Variants in RAG1 observed in about 807,000 individuals in gnomAD.
The protein encoded by RAG1 is recombination activating 1.
RAG1 carries 35 observed loss-of-function variants against 62.7 expected under a neutral mutation model. The ratio of observed to expected loss-of-function variants is 0.56; its 90% CI spans 0.43 to 0.74. The LOEUF (loss-of-function observed/expected upper bound fraction) is 0.74, where lower values mean the gene tolerates loss of function less well. Ranked by LOEUF, RAG1 falls within the 30% of genes least tolerant of loss-of-function variation. The pLI, the probability that RAG1 is intolerant of heterozygous loss-of-function variation, is 0.00. For missense variants in RAG1, 1,169 were observed against 1,278.6 expected (o/e 0.91, Z 1.31); for synonymous variants, 461 against 470.3 (o/e 0.98, Z 0.26).
At position 36,575,153 on chromosome 11, in the gene RAG1, G is replaced by A; in HGVS notation, c.1849G>A (p.Val617Ile). The part of the protein sequence containing the change: ...DVSEKHGSGP[V>I]VPEKAVRFSF... ...GAGTGAGAAGCATGGGAGTGGGCCT[G>A]TAGTTCCAGAAAAGGCAGTCCGTTT... The change falls in exon 2 of 2, where the codon GTA becomes ATA. Residue 617 changes from valine (V) to isoleucine (I), a missense_variant. Around this residue, in one of 2 missense-constraint regions of RAG1, gnomAD observed 800 missense variants for 943.3 expected, o/e 0.85. Coordinates refer to ENST00000299440, the MANE Select transcript of RAG1 (RefSeq NM_000448.3). This position sits in a 1 kb window ranked among gnomAD's most constrained non-coding sequence, Gnocchi z 4.1. 1 of 1,614,178 alleles carries A rather than the reference G, an allele frequency of 6.2e-7. No homozygotes were observed. The highest frequency in any genetic ancestry group is 1.3e-5 in the African/African-American group (1 of 75,046).
chr11:36,570,228 T>C (rs1230403117), intron 1 of RAG1, among the ~76,000 whole-genome samples: 1 of 152,196 alleles, frequency 6.6e-6, no homozygotes, highest in Non-Finnish European at 1.5e-5. Flanking sequence ...TTTAAAGATA[T>C]TGCTAAATTG....
chr11:36,561,520 C>T lies in RAG1; in HGVS notation c.-411-1865C>T, dbSNP rs556878127. ...AGATATTTGGCTAAACATTATTCCT[C>T]GGTGTGTCTGTTAGTGTTTTTCTGA... On this transcript the variant is annotated intron_variant and NMD_transcript_variant, in intron 3 of 9. Coordinates refer to the RAG1 transcript ENST00000534663. Among the ~76,000 whole-genome samples the T allele has an allele frequency of 1.7e-4, 26 of 152,178 alleles. No individual in the cohort carries two copies. The South Asian group carries it at 5.2e-3, about 30-fold the overall frequency.
chr11:36,544,940 G>C (rs976866507), intron 3 of RAG1, among the ~76,000 whole-genome samples: 1 of 152,174 alleles, frequency 6.6e-6, no homozygotes, highest in Non-Finnish European at 1.5e-5. Context: ...CTCTTCAGCC[G>C]TGTGGAACTG....
chr11:36,548,255 G>T (rs1850428580), intron 3 of RAG1, among the ~76,000 whole-genome samples: 1 of 152,174 alleles, frequency 6.6e-6, no homozygotes, highest in South Asian at 2.1e-4. Flanking sequence ...ATTCAACATA[G>T]TATTGGAAGT....
At chr11:36,573,244 G>A in intron 1 of RAG1, 47 bp from the exon 2 acceptor site, 1 of 1,559,262 alleles carries the variant, frequency 6.4e-7, no homozygotes, top group Non-Finnish European at 8.8e-7. Flanking sequence ...ATACATCAGT[G>A]GGATATTGAT....
At chr11:36,512,198 A>C (rs919535538) in intron 1 of RAG1, among the ~76,000 whole-genome samples, 1 of 152,192 alleles carries the variant, frequency 6.6e-6, no homozygotes, top group Non-Finnish European at 1.5e-5. Context: ...CCTGTGAGCT[A>C]TGACGAGAAG....
At chr11:36,513,635 T>A (rs1859956327) in intron 1 of RAG1, among the ~76,000 whole-genome samples, 1 of 152,182 alleles carries the variant, frequency 6.6e-6, no homozygotes, top group African/African-American at 2.4e-5. Context: ...TACCTGAGAC[T>A]GGGTAGTTTA....
chr11:36,548,674 T>C (rs556706096), intron 3 of RAG1, among the ~76,000 whole-genome samples: 63 of 152,160 alleles, frequency 4.1e-4, no homozygotes, highest in Admixed American at 2.5e-3. Context: ...GAAGAATCAA[T>C]ATTGTGAAAA....
At chr11:36,525,756 T>C (rs1254757859) in intron 2 of RAG1, among the ~76,000 whole-genome samples, 1 of 152,232 alleles carries the variant, frequency 6.6e-6, no homozygotes, top group Non-Finnish European at 1.5e-5. Flanking sequence ...GGTTATCTTA[T>C]GTTGCTTTGC....
upstream of RAG1, chr11:36,510,467 G>A (rs1333172755): frequency 6.6e-6 from 1 of 152,306 alleles, no homozygotes. Flanking sequence ...AGCCGAACCC[G>A]AGTGTGTCAA....
At chr11:36,520,616 A>C (rs1436068130) in intron 2 of RAG1, among the ~76,000 whole-genome samples, 1 of 152,110 alleles carries the variant, frequency 6.6e-6, no homozygotes, top group Non-Finnish European at 1.5e-5. Flanking sequence ...ATATATTTGA[A>C]AAAGGTTACA....
At chr11:36,531,230 G>A (rs962984477) in intron 2 of RAG1, among the ~76,000 whole-genome samples, 10 of 151,646 alleles carry the variant, frequency 6.6e-5, no homozygotes, top group African/African-American at 2.4e-4. Context: ...TATTATATTT[G>A]AAATGGGTTT....
intron 1 of RAG1, among the ~76,000 whole-genome samples, chr11:36,517,112 C>G (rs1428134068): frequency 6.6e-6 from 1 of 152,292 alleles, no homozygotes; most frequent in East Asian, 1.9e-4. Context: ...GTGGGAAAAA[C>G]AGGATACTTG....
At chr11:36,547,815 T>C (rs1313834936) in intron 3 of RAG1, among the ~76,000 whole-genome samples, 1 of 151,748 alleles carries the variant, frequency 6.6e-6, no homozygotes, top group Non-Finnish European at 1.5e-5. Flanking sequence ...TGACAGAGAC[T>C]CAACAAAAAA....
chr11:36,574,118 A>T lies in RAG1; in HGVS notation c.814A>T (p.Ile272Leu). The change falls in exon 2 of 2, where the codon ATA becomes TTA. Residue 272 changes from isoleucine to leucine, a missense_variant. By Grantham distance (5) the Ile-to-Leu change is conservative. Transcript: ENST00000299440. ...VMKKIANCSK[I>L]HLSTKLLAVD... The stretch of plus-strand genomic sequence containing the variant: ...GAAGAAGATCGCCAACTGCAGTAAG[A>T]TACATCTTAGTACCAAGCTCCTTGC... 1.2e-6 allele frequency: 2 copies of T among 1,614,200 alleles called. No individual in the cohort carries two copies. Among genetic ancestry groups the T allele is most frequent in the Non-Finnish European group, 1.7e-6 (2 of 1,180,042 alleles).
chr11:36,571,117 G>A lies in RAG1; in HGVS notation c.-14-2174G>A, dbSNP rs545797371. Among the ~76,000 whole-genome samples, 22 of 152,268 alleles carry A rather than the reference G, an allele frequency of 1.4e-4. 1 individual carries two copies. In the South Asian group the frequency reaches 4.4e-3, roughly 30 times the overall value. ...GGTAGATTTTGGTATAGTAATGCAG[G>A]CCAGTGGGAGTCAGGGGAGAAATGT... On this transcript the variant is annotated intron_variant, in intron 1 of 1. Coordinates refer to ENST00000299440, the MANE Select transcript of RAG1 (RefSeq NM_000448.3).
In RAG1 at chr11:36,573,571, G is replaced by C. The variant is rs267602869; in HGVS notation, c.267G>C (p.Lys89Asn). The change falls in exon 2 of 2, where the codon AAG becomes AAC. Residue 89 changes from lysine to asparagine, a missense_variant. By Grantham distance (94) the Lys-to-Asn change is moderately conservative (BLOSUM62 0). Around this residue, in one of 2 missense-constraint regions of RAG1, gnomAD observed 369 missense variants for 335.3 expected, o/e 1.10. Transcript: ENST00000299440. ...TAAAAGCCCACCCTAAGTTTTCAAA[G>C]AAATTTCACGACAACGAGAAAGCAA... ...PLLKAHPKFS[K>N]KFHDNEKARG... The C allele has an allele frequency of 3.1e-6, 5 of 1,614,042 alleles. No individual in the cohort carries two copies. Among genetic ancestry groups the C allele is most frequent in the Admixed American group, 3.3e-5 (2 of 60,008 alleles).
chr11:36,529,669 A>G (rs1474382126), intron 2 of RAG1, among the ~76,000 whole-genome samples: 1 of 152,108 alleles, frequency 6.6e-6, no homozygotes, highest in Non-Finnish European at 1.5e-5. Context: ...GAAAGAAATA[A>G]AGGGCATTCA....
chr11:36,546,060 G>T (rs1850387732), intron 3 of RAG1, among the ~76,000 whole-genome samples: 1 of 152,202 alleles, frequency 6.6e-6, no homozygotes, highest in Non-Finnish European at 1.5e-5. Flanking sequence ...ATAGTCTGTT[G>T]ATTTGGGGTG....
Sources: gnomAD v4.1 joint callset for allele counts (sites outside exome capture counted in the v4.1 genomes callset) on GRCh38, gnomAD v4.1.1 for gene constraint, gnomAD v4.1.1 regional missense constraint, Gnocchi (gnomAD v3.1) non-coding constraint, MANE v1.5 for transcripts, NCBI Gene and HGNC (gene_info 2026-07-23, HGNC 2026-07-21) for gene names.